Variants in C2CD3 observed in about 807,000 individuals in gnomAD.
C2CD3 encodes C2 domain-containing protein 3.
Under a neutral mutation model 234.0 loss-of-function variants are expected in C2CD3, and 148 were observed. The observed-to-expected ratio is 0.63, with a 90% confidence interval of 0.55 to 0.72. C2CD3 has a LOEUF of 0.72. Ranked by LOEUF, C2CD3 falls within the 30% of genes least tolerant of loss-of-function variation. C2CD3 has a pLI of 0.00. For missense variants in C2CD3, 2,577 were observed against 2,811.5 expected (o/e 0.92, Z 1.89); for synonymous variants, 1,000 against 1,035.4 (o/e 0.97, Z 0.66).
chr11:74,033,616 C>G lies in C2CD3; in HGVS notation c.6544G>C (p.Gly2182Arg). 1 of 1,536,144 alleles carries G rather than the reference C, an allele frequency of 6.5e-7. No homozygotes were observed. The highest frequency in any genetic ancestry group is 1.2e-5 in the South Asian group (1 of 84,056). ...ACAAACGTGCTGCTCTGTTGAGCTC[C>G]TGAGAGTGTTGGGCATGGGATGGGC... ...PQPIPCPTLS[G>R]AQQSSTFVGW... The change falls in exon 31 of 33, where the codon GGA becomes CGA. Residue 2182 changes from glycine to arginine, a missense_variant. Transcript: ENST00000334126.
intron 1 of C2CD3, 112 bp from the exon 2 acceptor site, chr11:74,168,725 T>C: frequency 4.4e-6 from 4 of 911,972 alleles, no homozygotes; most frequent in African/African-American, 1.7e-5. Flanking sequence ...GTTCAGCAAT[T>C]TATCACCACT....
rs771140642 is a variant in C2CD3 at position 74,133,524 on chromosome 11, G to C, written c.989C>G (p.Ala330Gly). ...LLEQGNKLRN[A>G]MVISAMKSSP... The stretch of plus-strand genomic sequence containing the variant: ...TGATTTCATTGCAGAAATCACCATG[G>C]CATTACGCAGTTTATTGCCTTGTTC... The change falls in exon 6 of 33, where the codon GCC (alanine) becomes GGC (glycine). Residue 330 changes from alanine (A) to glycine (G), a missense_variant. Transcript: ENST00000334126. 1.9e-6 allele frequency: 3 copies of C among 1,614,002 alleles called. No homozygotes were observed. Among genetic ancestry groups the C allele is most frequent in the East Asian group, 2.2e-5 (1 of 44,868 alleles).
intron 3 of C2CD3, among the ~76,000 whole-genome samples, chr11:74,151,647 GA>G (rs983798104): frequency 2.6e-5 from 4 of 151,480 alleles, no homozygotes; most frequent in South Asian, 2.1e-4. Context: ...ATTAAAGGGG[GA>G]AAAAAAATAA....
chr11:74,158,203 A>G (rs761364560), intron 3 of C2CD3, among the ~76,000 whole-genome samples: 1 of 152,230 alleles, frequency 6.6e-6, no homozygotes, highest in Non-Finnish European at 1.5e-5. Context: ...CAAACTAAAA[A>G]GCTCTGCACA....
chr11:74,152,935 A>G (rs1294487947), intron 3 of C2CD3, among the ~76,000 whole-genome samples: 1 of 152,224 alleles, frequency 6.6e-6, no homozygotes, highest in Non-Finnish European at 1.5e-5. Context: ...ATCACATTTA[A>G]TAGTGAAAGA....
At chr11:74,035,736 A>G (rs201981213) in intron 30 of C2CD3, among the ~76,000 whole-genome samples, 1 of 149,792 alleles carries the variant, frequency 6.7e-6, no homozygotes, top group East Asian at 1.9e-4. Context: ...GGTTTCCCTG[A>G]TCTAATCATC....
chr11:74,018,641 T>A (rs1374113460), intron 32 of C2CD3, among the ~76,000 whole-genome samples: 4 of 152,162 alleles, frequency 2.6e-5, no homozygotes, highest in Non-Finnish European at 5.9e-5. Flanking sequence ...GCTGGCTGCC[T>A]TTCCCTGGGG....
chr11:74,099,852 T>C (rs61901217), intron 15 of C2CD3, among the ~76,000 whole-genome samples: 42,080 of 148,784 alleles, frequency 0.28, 6,896 homozygotes, highest in African/African-American at 0.46. Context: ...GCCGAGATCG[T>C]GCCACTGCAC....
rs774364182 is a variant in C2CD3, at chr11:74,103,488, G to A, written c.2223C>T (p.Thr741=). 5.0e-6 allele frequency: 8 copies of A among 1,614,164 alleles called. No homozygotes were observed. Among genetic ancestry groups the A allele is most frequent in the Non-Finnish European group, 6.8e-6 (8 of 1,180,022 alleles). The change falls in exon 14 of 33, where the codon ACC becomes ACT. Residue 741 remains threonine, a synonymous_variant. Coordinates refer to ENST00000334126, the MANE Select transcript of C2CD3 (RefSeq NM_001286577.2). ...KALPELNQDM[T]CTKNPQNLNQ... ...TTAAGTTTTGTGGATTTTTGGTACA[G>A]GTCATATCTTGGTTAAGTTCTGGTA...
intron 2 of C2CD3, chr11:74,164,217 T>C (rs374659641): frequency 7.3e-6 from 7 of 954,210 alleles, no homozygotes; most frequent in African/African-American, 1.8e-5. Flanking sequence ...CTCCGATTTG[T>C]CTTTCACATT....
intron 26 of C2CD3, among the ~76,000 whole-genome samples, chr11:74,051,805 G>C (rs985750820): frequency 4.6e-5 from 7 of 152,102 alleles, no homozygotes; most frequent in African/African-American, 1.7e-4. Context: ...AGCTCTGTGA[G>C]GACAGGGACC....
At chr11:74,058,490 A>G (rs7102679) in intron 24 of C2CD3, among the ~76,000 whole-genome samples, 11,308 of 152,072 alleles carry the variant, frequency 0.074, 1,371 homozygotes, top group African/African-American at 0.26. Flanking sequence ...TATTTCTATC[A>G]TATAGATTTC....
chr11:74,042,346 T>C (rs1953108051), intron 28 of C2CD3, 128 bp from the exon 29 acceptor site: 1 of 905,098 alleles, frequency 1.1e-6, no homozygotes, highest in African/African-American at 1.7e-5. Flanking sequence ...CTATCACAGT[T>C]CTGGCCTTAT....
chr11:74,047,975 T>C (rs773664984), intron 28 of C2CD3, among the ~76,000 whole-genome samples: 2 of 152,216 alleles, frequency 1.3e-5, no homozygotes, highest in African/African-American at 2.4e-5. Context: ...CAGAAACTTG[T>C]CCCTTGTACT....
Position 74,164,519 on chromosome 11 carries a change from AC to A in C2CD3, c.326-2964del, listed in dbSNP as rs539992694. 7.2e-5 allele frequency among the ~76,000 whole-genome samples: 11 copies of A among 152,280 alleles called. No individual in the cohort carries two copies. The South Asian group carries it at 2.3e-3, about 32-fold the overall frequency. On this transcript the variant is annotated intron_variant, in intron 2 of 32. Coordinates refer to ENST00000334126, the MANE Select transcript of C2CD3 (RefSeq NM_001286577.2). ...GTGCCAGGGTAACCTTGGGTTAGTT[AC>A]TTTTAACTCTTTGAACCTCAAATTC...
rs78878933 is a variant in C2CD3 at position 74,085,857 on chromosome 11, T to C, written c.3671A>G (p.Gln1224Arg). ...ATTGACCCCGACTGTGGCACTAAAC[T>C]GTAGAGCGGGTTCCCGTTCAGCCAA... The part of the protein sequence containing the change: ...KALAEREPAL[Q>R]FSATVGVNAS... Residue 1224 changes from glutamine (Q) to arginine (R), a missense_variant, in exon 21 of 33, where the codon CAG becomes CGG. Coordinates refer to ENST00000334126, the MANE Select transcript of C2CD3 (RefSeq NM_001286577.2). 11,378 of 1,613,692 alleles carry C rather than the reference T, an allele frequency of 7.1e-3. 46 individuals carry two copies. Among genetic ancestry groups the C allele is most frequent in the Non-Finnish European group, 8.3e-3 (9,768 of 1,179,700 alleles).
intron 2 of C2CD3, among the ~76,000 whole-genome samples, chr11:74,166,223 T>C (rs1240625175): frequency 1.3e-5 from 2 of 150,374 alleles, no homozygotes; most frequent in Admixed American, 1.3e-4. Flanking sequence ...GGCAGGAGAA[T>C]GGCGTGAACC....
Position 74,168,446 on chromosome 11 carries a change from A to G in C2CD3, c.223T>C (p.Phe75Leu). The change falls in exon 2 of 33, where the codon TTT (phenylalanine) becomes CTT (leucine). Residue 75 changes from phenylalanine to leucine, a missense_variant. By Grantham distance (22) the Phe-to-Leu change is conservative (BLOSUM62 0). Transcript: ENST00000334126. ...GTCTGCAATGCATCCCTGGGACAAA[A>G]GAGGGTTCCATCTGATGTTTCTCCC... is the stretch of plus-strand genomic sequence containing the variant. ...WWGETSDGTL[F>L]CPRDALQTEP... The G allele has an allele frequency of 6.2e-7, 1 of 1,614,212 alleles. No individual in the cohort carries two copies. Among genetic ancestry groups the G allele is most frequent in the Non-Finnish European group, 8.5e-7 (1 of 1,180,020 alleles).
At chr11:74,061,994 C>T (rs1310427718) in intron 24 of C2CD3, among the ~76,000 whole-genome samples, 2 of 152,060 alleles carry the variant, frequency 1.3e-5, no homozygotes, top group African/African-American at 4.8e-5. Flanking sequence ...ATAAAACAGA[C>T]TTTAAACCAA....
Sources: gnomAD v4.1 joint callset for allele counts (sites outside exome capture counted in the v4.1 genomes callset) on GRCh38, gnomAD v4.1.1 for gene constraint, MANE v1.5 for transcripts, NCBI Gene and HGNC (gene_info 2026-07-23, HGNC 2026-07-21) for gene names.